The following SLC8B1 variants were observed in gnomAD, a reference collection of about 807,000 sequenced individuals.
SLC8B1 encodes the protein solute carrier family 8 member B1.
SLC8B1 carries 52 observed loss-of-function variants against 63.4 expected under a neutral mutation model. That is an observed-to-expected ratio of 0.82 (90% CI 0.66 to 1.03). The LOEUF is 1.03. SLC8B1 is among the 50% of genes least tolerant of loss of function. SLC8B1 has a pLI of 0.00. For missense variants in SLC8B1, 657 were observed against 741.7 expected, an observed-to-expected ratio of 0.89 and a Z score of 1.33; for synonymous variants, 336 against 323.9, an observed-to-expected ratio of 1.04 and a Z score of -0.40.
chr12:113,320,000 C>T (rs1593253259), intron 7 of SLC8B1: 1 of 269,810 alleles, frequency 3.7e-6, no homozygotes, highest in Non-Finnish European at 7.1e-6. Context: ...GCTATGTTGC[C>T]CAGGCTGGTC....
intron 2 of SLC8B1, among the ~76,000 whole-genome samples, chr12:113,328,424 T>C (rs1957021251): frequency 6.6e-6 from 1 of 152,200 alleles, no homozygotes; most frequent in South Asian, 2.1e-4. Context: ...TCTGGCCTCC[T>C]ACCCCCAATC....
chr12:113,310,293 C>T lies in SLC8B1; in HGVS notation c.1198G>A (p.Ala400Thr). The stretch of plus-strand genomic sequence containing the variant: ...GCAAAAAAGGTCACTGAAGCCAAGG[C>T]TGTGCCTGCGATCACCACCACGACC... The part of the protein sequence containing the change: ...VWVVVVIAGT[A>T]LASVTFFATS... Residue 400 changes from alanine to threonine, a missense_variant, in exon 12 of 16, where the codon GCC becomes ACC. Physicochemically the swap from Ala to Thr is moderately conservative, Grantham distance 58. Coordinates refer to ENST00000680972, the MANE Select transcript of SLC8B1 (RefSeq NM_001358345.2). 6.2e-7 allele frequency: 1 copy of T among 1,614,154 alleles called. No homozygotes were observed. Among genetic ancestry groups the T allele is most frequent in the Non-Finnish European group, 8.5e-7 (1 of 1,180,026 alleles).
At chr12:113,311,697 ATTT>A (rs58060872) in intron 11 of SLC8B1, among the ~76,000 whole-genome samples, 21,496 of 95,658 alleles carry the variant, frequency 0.22, 2,427 homozygotes, top group African/African-American at 0.36. Context: ...GTCAAGGGGG[ATTT>A]TTTTTTTTTT....
chr12:113,321,394 G>C, intron 2 of SLC8B1, 46 bp from the exon 3 acceptor site: 3 of 1,613,512 alleles, frequency 1.9e-6, no homozygotes, highest in Non-Finnish European at 2.5e-6. Flanking sequence ...AGACTTCCCT[G>C]AGAACTAGAC....
At chr12:113,300,857 C>T (rs867642508) in intron 15 of SLC8B1, among the ~76,000 whole-genome samples, 31 of 152,196 alleles carry the variant, frequency 2.0e-4, no homozygotes, top group Admixed American at 5.2e-4. Context: ...TGCGTTAGGC[C>T]GGGCAGGGTG....
intron 12 of SLC8B1, 111 bp downstream of exon 12, chr12:113,310,123 G>T (rs2136833417): frequency 2.1e-6 from 3 of 1,403,302 alleles, no homozygotes; most frequent in East Asian, 2.4e-5. Context: ...ACCTGTCTTT[G>T]TGTGACTCCT....
rs139374926 is a variant in SLC8B1, at chr12:113,302,667, G to A, written c.1557+1654C>T. ...GTGGGCTGTTTCTAGGCACCGTGGC[G>A]TTTCGTCTTCCCAGCCACCTGCATC... On this transcript the variant is annotated intron_variant, in intron 15 of 15. Coordinates refer to ENST00000680972, the MANE Select transcript of SLC8B1 (RefSeq NM_001358345.2). 8.8e-4 allele frequency: 402 copies of A among 456,074 alleles called. 2 individuals are homozygous for A. The highest frequency in any genetic ancestry group is 7.0e-3 in the African/African-American group (350 of 50,154). 28.3% of individuals were successfully genotyped at this position (456,074 alleles called of 1,614,324 possible).
At chr12:113,303,071 T>C (rs1199205390) in intron 15 of SLC8B1, among the ~76,000 whole-genome samples, 13 of 130,218 alleles carry the variant, frequency 1.0e-4, no homozygotes, top group East Asian at 5.1e-4. Context: ...CACACACACG[T>C]ACACACACAC....
In SLC8B1 at chr12:113,320,388, C is replaced by T. The variant is rs1566238383; in HGVS notation, c.637G>A (p.Val213Met). 2 of 1,614,184 alleles carry T rather than the reference C, an allele frequency of 1.2e-6. No individual in the cohort carries two copies. Among genetic ancestry groups the T allele is most frequent in the East Asian group, 2.2e-5 (1 of 44,886 alleles). The change falls in exon 7 of 16, where the codon GTG (valine) becomes ATG (methionine). Residue 213 changes from valine to methionine, a missense_variant. Val to Met is a conservative substitution (Grantham distance 21, BLOSUM62 1). Coordinates refer to ENST00000680972, the MANE Select transcript of SLC8B1 (RefSeq NM_001358345.2). This position sits in a 1 kb window ranked among gnomAD's most constrained non-coding sequence, Gnocchi z 5.3. ...FRDIVFYMVAVFLTFLMLFRG... is the reference protein window; with the variant it reads ...FRDIVFYMVAMFLTFLMLFRG... ...AAGAGCATGAGGAAGGTCAGGAACA[C>T]AGCCACCATGTAGAAAACGATGTCC...
rs986301203 is a variant in SLC8B1, at chr12:113,316,645, G to A, written c.874C>T (p.Arg292Trp). 5 of 1,613,492 alleles carry A rather than the reference G, an allele frequency of 3.1e-6. No homozygotes were observed. The highest frequency in any genetic ancestry group is 1.7e-5 in the Admixed American group (1 of 60,002). Residue 292 changes from arginine to tryptophan, a missense_variant, in exon 10 of 16, where the codon CGG (arginine) becomes TGG (tryptophan). Arg to Trp is a moderately radical substitution (Grantham distance 101). Transcript: ENST00000680972. Reference sequence around the variant, plus strand: ...GTCTCCTGGTAGAAGAACAGCGGCCGGTACTCATCACCTGTGTGCAGGGGT... The same window carrying A: ...GTCTCCTGGTAGAAGAACAGCGGCCAGTACTCATCACCTGTGTGCAGGGGT... Reference protein sequence around the residue: ...TNSYDYGDEYRPLFFYQETTA... With the variant: ...TNSYDYGDEYWPLFFYQETTA...
At chr12:113,325,836 T>G (rs765282044) in intron 2 of SLC8B1, among the ~76,000 whole-genome samples, 8 of 152,356 alleles carry the variant, frequency 5.3e-5, no homozygotes, top group Non-Finnish European at 1.2e-4. Flanking sequence ...GTGCTGGGAT[T>G]ACAGGCGTGA....
At chr12:113,317,075 TA>T (rs1956845697) in intron 8 of SLC8B1, 74 bp from the exon 9 acceptor site, 1 of 1,323,426 alleles carries the variant, frequency 7.6e-7, no homozygotes, top group African/African-American at 1.4e-5. Flanking sequence ...AGAGCAGGTT[TA>T]GGGGTGCAAG....
At chr12:113,329,323 G>A (rs1262978968) in intron 2 of SLC8B1, among the ~76,000 whole-genome samples, 1 of 152,146 alleles carries the variant, frequency 6.6e-6, no homozygotes, top group African/African-American at 2.4e-5. Context: ...GTTACTCGCT[G>A]AAGCTCCTGA....
At chr12:113,318,273 T>A (rs1956866990) in intron 8 of SLC8B1, among the ~76,000 whole-genome samples, 2 of 152,120 alleles carry the variant, frequency 1.3e-5, no homozygotes, top group African/African-American at 2.4e-5. Context: ...TGTGCATGTA[T>A]TTGTGTTGCA....
chr12:113,300,455 C>T (rs1159667524), intron 15 of SLC8B1, among the ~76,000 whole-genome samples: 1 of 152,124 alleles, frequency 6.6e-6, no homozygotes, highest in African/African-American at 2.4e-5. Flanking sequence ...TGCACTCCAG[C>T]TTGGGTGATG....
At position 113,320,382 on chromosome 12, in the gene SLC8B1, G is replaced by C. The variant is rs749747301; in HGVS notation, c.643C>G (p.Leu215Val). The change falls in exon 7 of 16, where the codon CTG becomes GTG. Residue 215 changes from leucine to valine, a missense_variant. Coordinates refer to ENST00000680972, the MANE Select transcript of SLC8B1 (RefSeq NM_001358345.2). This position sits in a 1 kb window ranked among gnomAD's most constrained non-coding sequence, Gnocchi z 5.3. ...DIVFYMVAVF[L>V]TFLMLFRGRV... ...CCACGGAAGAGCATGAGGAAGGTCA[G>C]GAACACAGCCACCATGTAGAAAACG... 1.2e-6 allele frequency: 2 copies of C among 1,614,184 alleles called. No homozygotes were observed.
chr12:113,317,450 C>T (rs957094679), intron 8 of SLC8B1, among the ~76,000 whole-genome samples: 4 of 152,218 alleles, frequency 2.6e-5, no homozygotes, highest in Non-Finnish European at 5.9e-5. Flanking sequence ...GGGATTCTTA[C>T]ACAGTGAAAG....
intron 11 of SLC8B1, among the ~76,000 whole-genome samples, chr12:113,311,646 T>C (rs1195662630): frequency 6.7e-6 from 1 of 149,808 alleles, no homozygotes; most frequent in Non-Finnish European, 1.5e-5. Context: ...GTGAGTGGGC[T>C]GAATACACAA....
chr12:113,303,514 A>C (rs1339680380), intron 15 of SLC8B1, among the ~76,000 whole-genome samples: 1 of 152,150 alleles, frequency 6.6e-6, no homozygotes, highest in African/African-American at 2.4e-5. Flanking sequence ...TCCCCAGCCT[A>C]CGTCTTCCTT....
Sources: gnomAD v4.1 joint callset for allele counts (sites outside exome capture counted in the v4.1 genomes callset) on GRCh38, gnomAD v4.1.1 for gene constraint, Gnocchi (gnomAD v3.1) non-coding constraint, MANE v1.5 for transcripts, NCBI Gene and HGNC (gene_info 2026-07-23, HGNC 2026-07-21) for gene names.